PGGT1B: variants seen among roughly 807,000 people sequenced by gnomAD.
PGGT1B encodes the protein geranylgeranyl transferase type-1 subunit beta.
In PGGT1B, 30 loss-of-function variants were observed where a neutral mutation model predicts 46.1. The observed-to-expected ratio is 0.65, with a 90% confidence interval of 0.49 to 0.88. The LOEUF is 0.88. Among genes scored for constraint, PGGT1B ranks in the 40% least tolerant of loss-of-function variants. The probability of loss-of-function intolerance (pLI) is 0.00; values close to 1 mark genes in which losing one functional copy is unlikely to be tolerated. For missense variants in PGGT1B, 376 were observed against 455.9 expected, an observed-to-expected ratio of 0.82 and a Z score of 1.60; for synonymous variants, 170 against 160.0, an observed-to-expected ratio of 1.06 and a Z score of -0.47.
At chr5:115,222,090 T>C in intron 6 of PGGT1B, 82 bp from the exon 7 acceptor site, 5 of 752,420 alleles carry the variant, frequency 6.6e-6, no homozygotes, top group Non-Finnish European at 8.0e-6. Context: ...GGGGAAAAAG[T>C]GGTTATATAA....
intron 2 of PGGT1B, among the ~76,000 whole-genome samples, chr5:115,249,020 T>C (rs1416162481): frequency 2.0e-5 from 3 of 152,198 alleles, no homozygotes; most frequent in African/African-American, 4.8e-5. Flanking sequence ...AAGCTAAGTA[T>C]TTTTCTAGTT....
At chr5:115,248,521 C>G (rs999887450) in intron 2 of PGGT1B, among the ~76,000 whole-genome samples, 2 of 152,144 alleles carry the variant, frequency 1.3e-5, no homozygotes, top group Non-Finnish European at 2.9e-5. Flanking sequence ...ATTGTGTTTC[C>G]CGAATACTTC....
intron 2 of PGGT1B, among the ~76,000 whole-genome samples, chr5:115,243,556 C>A (rs1055511300): frequency 3.9e-5 from 6 of 152,148 alleles, no homozygotes; most frequent in African/African-American, 7.2e-5. Flanking sequence ...ATGAATAAGG[C>A]TGAAATTTGT....
intron 2 of PGGT1B, among the ~76,000 whole-genome samples, chr5:115,242,643 T>C (rs1233278330): frequency 6.6e-6 from 1 of 152,136 alleles, no homozygotes; most frequent in African/African-American, 2.4e-5. Context: ...AATTATCATC[T>C]CCCTACTGGC....
At chr5:115,245,757 T>C (rs1440579311) in intron 2 of PGGT1B, among the ~76,000 whole-genome samples, 1 of 152,156 alleles carries the variant, frequency 6.6e-6, no homozygotes, top group Non-Finnish European at 1.5e-5. Flanking sequence ...TATACTGTCA[T>C]GAAAAAAGTG....
intron 1 of PGGT1B, chr5:115,262,444 T>TA: frequency 2.1e-6 from 1 of 471,760 alleles, no homozygotes; most frequent in Non-Finnish European, 3.8e-6. Flanking sequence ...TGGGAGCGGG[T>TA]AAAAAAGCAG....
intron 1 of PGGT1B, among the ~76,000 whole-genome samples, chr5:115,260,321 A>T (rs1466062682): frequency 6.6e-6 from 1 of 152,190 alleles, no homozygotes; most frequent in Non-Finnish European, 1.5e-5. Flanking sequence ...GGTAAAAAGA[A>T]ACGAACAGAG....
chr5:115,250,312 A>G (rs1748036105), intron 2 of PGGT1B, among the ~76,000 whole-genome samples: 1 of 152,226 alleles, frequency 6.6e-6, no homozygotes, highest in East Asian at 1.9e-4. Context: ...TTGAAGAGCC[A>G]GATGAGGTCC....
At chr5:115,218,265 T>A (rs1756480353) in intron 7 of PGGT1B, among the ~76,000 whole-genome samples, 1 of 151,384 alleles carries the variant, frequency 6.6e-6, no homozygotes, top group Non-Finnish European at 1.5e-5. Flanking sequence ...AAAACATTTT[T>A]AAAAAGTTTA....
At chr5:115,241,163 A>G (rs566779567) in intron 3 of PGGT1B, among the ~76,000 whole-genome samples, 28 of 152,272 alleles carry the variant, frequency 1.8e-4, no homozygotes, top group African/African-American at 6.7e-4. Flanking sequence ...AAACACAACA[A>G]AGTTTACTGG....
At chr5:115,237,766 T>G in intron 4 of PGGT1B, 92 bp downstream of exon 4, 1 of 1,044,392 alleles carries the variant, frequency 9.6e-7, no homozygotes, top group South Asian at 2.0e-5. Context: ...TAGAGTATGA[T>G]CCTCTAAAGA....
rs1756312187 is a variant in PGGT1B at position 115,213,603 on chromosome 5, C to T, written c.953-1020G>A. 2.0e-5 allele frequency among the ~76,000 whole-genome samples: 3 copies of T among 152,082 alleles called. No homozygotes were observed. The South Asian group carries it at 6.2e-4, about 32-fold the overall frequency. On this transcript the variant is annotated intron_variant, in intron 8 of 8. Transcript: ENST00000419445. Reference sequence around the variant, plus strand: ...CCTGGGCAATACGGTGAAGCTCCATCTCTACAAAAAATACAAAAATTACCA... The same window carrying T: ...CCTGGGCAATACGGTGAAGCTCCATTTCTACAAAAAATACAAAAATTACCA...
At chr5:115,228,722 C>T (rs985642961) in intron 6 of PGGT1B, among the ~76,000 whole-genome samples, 1 of 151,884 alleles carries the variant, frequency 6.6e-6, no homozygotes, top group Non-Finnish European at 1.5e-5. Flanking sequence ...CAGGAAGAAA[C>T]AAAGATGGTG....
intron 7 of PGGT1B, 52 bp downstream of exon 7, chr5:115,221,772 A>T: frequency 8.8e-7 from 1 of 1,131,840 alleles, no homozygotes; most frequent in Non-Finnish European, 1.2e-6. Flanking sequence ...TTTTTAGCAC[A>T]ATCTATATGA....
chr5:115,222,235 A>C (rs1179869311), intron 6 of PGGT1B, among the ~76,000 whole-genome samples: 5 of 152,240 alleles, frequency 3.3e-5, no homozygotes, highest in African/African-American at 1.2e-4. Flanking sequence ...AAAAAAAGTA[A>C]GACTTGGAAC....
intron 6 of PGGT1B, among the ~76,000 whole-genome samples, chr5:115,222,679 T>C (rs986619056): frequency 6.6e-6 from 1 of 152,232 alleles, no homozygotes; most frequent in South Asian, 2.1e-4. Context: ...TGTACACATA[T>C]GTTTATTGTG....
In PGGT1B at chr5:115,205,905, A is replaced by G. The variant is rs1267232414; in HGVS notation, c.*6497T>C. ...ACATTTTCAAGGATCTCACAGCAAT[A>G]TTTTTGTAGTTGTGAAAAATAAGGC... On this transcript the variant is annotated 3_prime_UTR_variant, in exon 9 of 9. Coordinates refer to ENST00000419445, the MANE Select transcript of PGGT1B (RefSeq NM_005023.4). 3 of 146,698 alleles carry G rather than the reference A, an allele frequency of 2.0e-5. No homozygotes were observed. Among genetic ancestry groups the G allele is most frequent in the Admixed American group, 6.8e-5 (1 of 14,678 alleles). The allele number at this position is 146,698 out of a possible 1,614,324, so 9.1% of individuals were successfully genotyped here.
intron 2 of PGGT1B, among the ~76,000 whole-genome samples, chr5:115,251,124 C>A (rs1453067805): frequency 6.6e-6 from 1 of 152,092 alleles, no homozygotes; most frequent in Non-Finnish European, 1.5e-5. Flanking sequence ...TGAGTATACA[C>A]TAGAACTGTT....
At chr5:115,237,573 A>C (rs573331765) in intron 4 of PGGT1B, among the ~76,000 whole-genome samples, 2 of 152,344 alleles carry the variant, frequency 1.3e-5, no homozygotes, top group Admixed American at 1.3e-4. Flanking sequence ...TCTAGAATGT[A>C]AATTAGATTC....
Sources: allele counts gnomAD v4.1 joint callset (sites outside exome capture counted in the v4.1 genomes callset), GRCh38; gene constraint gnomAD v4.1.1; transcripts MANE v1.5; gene names NCBI Gene and HGNC (gene_info 2026-07-23, HGNC 2026-07-21).